Variants in BPHL observed in about 807,000 individuals in gnomAD.
The protein encoded by BPHL is biphenyl hydrolase like, also known as serine hydrolase BPHL.
A neutral mutation model predicts 31.2 loss-of-function variants in BPHL; 27 were observed. The observed-to-expected ratio is 0.87, with a 90% confidence interval of 0.64 to 1.19. The LOEUF (loss-of-function observed/expected upper bound fraction) is 1.19. Ranked by LOEUF, BPHL falls within the 50% of genes most tolerant of loss-of-function variation. BPHL has a pLI of 0.00. For missense variants in BPHL, 356 were observed against 375.7 expected, an observed-to-expected ratio of 0.95 and a Z score of 0.43; for synonymous variants, 150 against 146.8, an observed-to-expected ratio of 1.02 and a Z score of -0.16.
chr6:3,143,444 C>T (rs893207290), intron 6 of BPHL, among the ~76,000 whole-genome samples: 9 of 152,138 alleles, frequency 5.9e-5, no homozygotes, highest in Admixed American at 2.0e-4. Flanking sequence ...ATAAGAATCG[C>T]TTATTTTTAT....
intron 4 of BPHL, among the ~76,000 whole-genome samples, chr6:3,132,850 A>G (rs3823099): frequency 0.011 from 1,729 of 152,234 alleles, 41 homozygotes; most frequent in East Asian, 0.078. Flanking sequence ...CAACAACAAC[A>G]ACCAAAAGAA....
At position 3,118,817 on chromosome 6, in the gene BPHL, T is replaced by C; in HGVS notation, c.77T>C (p.Val26Ala). The part of the protein sequence containing the change: ...LLSALKPGIH[V>A]PRAGPAAAFG... Reference sequence around the variant, plus strand: ...TCAGCGCTGAAGCCCGGGATCCACGTCCCACGGGCCGGACCCGCGGCCGCG... The same window carrying C: ...TCAGCGCTGAAGCCCGGGATCCACGCCCCACGGGCCGGACCCGCGGCCGCG... Residue 26 changes from valine to alanine, a missense_variant, in exon 1 of 7, where the codon GTC becomes GCC. Transcript: ENST00000380379. 8.0e-7 allele frequency: 1 copy of C among 1,243,788 alleles called. No homozygotes were observed. Among genetic ancestry groups the C allele is most frequent in the Non-Finnish European group, 1.0e-6 (1 of 991,240 alleles). 77.0% of individuals were successfully genotyped at this position (1,243,788 alleles called of 1,614,324 possible). A position where few individuals can be genotyped will look rare whatever the true frequency, so the allele number is the denominator to read the frequency against.
chr6:3,128,541 A>T (rs1405234734), intron 3 of BPHL, among the ~76,000 whole-genome samples: 1 of 151,936 alleles, frequency 6.6e-6, no homozygotes, highest in African/African-American at 2.4e-5. Flanking sequence ...TCACCCGCGG[A>T]CTCACACAAC....
upstream of BPHL, chr6:3,118,652 C>T: frequency 3.3e-6 from 3 of 918,100 alleles, no homozygotes; most frequent in Non-Finnish European, 4.3e-6. Flanking sequence ...GTGGGCGGAG[C>T]AGAGGGCGTG....
intron 1 of BPHL, among the ~76,000 whole-genome samples, chr6:3,121,695 C>G (rs1761579802): frequency 6.6e-6 from 1 of 152,156 alleles, no homozygotes; most frequent in African/African-American, 2.4e-5. Flanking sequence ...ATGGCAGAGT[C>G]AGTATTGCCA....
intron 4 of BPHL, among the ~76,000 whole-genome samples, chr6:3,129,738 A>G (rs1230301465): frequency 6.6e-6 from 1 of 150,532 alleles, no homozygotes; most frequent in South Asian, 2.1e-4. Flanking sequence ...GAAACCTTTT[A>G]TTTTGATTAA....
chr6:3,119,070 T>C (rs894860793), intron 1 of BPHL, among the ~76,000 whole-genome samples: 2 of 152,192 alleles, frequency 1.3e-5, no homozygotes, highest in Non-Finnish European at 1.5e-5. Context: ...TCAGCCTCAG[T>C]TCAAGGAGTC....
chr6:3,147,305 C>A (rs927692546), intron 6 of BPHL, among the ~76,000 whole-genome samples: 1 of 152,130 alleles, frequency 6.6e-6, no homozygotes, highest in Non-Finnish European at 1.5e-5. Flanking sequence ...ACAGTAGCTG[C>A]CACTTTTGAG....
At chr6:3,129,219 A>T (rs755132331) in intron 4 of BPHL, 21 bp downstream of exon 4, 1 of 1,531,880 alleles carries the variant, frequency 6.5e-7, no homozygotes, top group Non-Finnish European at 8.8e-7. Flanking sequence ...CGAAGGGGAG[A>T]TGCCGGGACG....
intron 4 of BPHL, among the ~76,000 whole-genome samples, chr6:3,133,542 C>G (rs774922883): frequency 1.3e-5 from 2 of 152,202 alleles, no homozygotes; most frequent in Non-Finnish European, 2.9e-5. Flanking sequence ...CCCCTCCCCC[C>G]ACTTTCCCCT....
In BPHL at chr6:3,129,046, C is replaced by G. The variant is rs2231366; in HGVS notation, c.380C>G (p.Ala127Gly). ...GTGCATTTTGTCGTATGATCATAGG[C>G]GCTGAAGTTTAAGAAGGTTTCTCTG... ...DAKDAVDLMK[A>G]LKFKKVSLLG... The change falls in exon 4 of 7, where the codon GCG becomes GGG. Residue 127 changes from alanine to glycine, a missense_variant and splice_region_variant. By Grantham distance (60) the Ala-to-Gly change is moderately conservative. Coordinates refer to ENST00000380379, the MANE Select transcript of BPHL (RefSeq NM_004332.4). 2 of 1,614,202 alleles carry G rather than the reference C, an allele frequency of 1.2e-6. No individual in the cohort carries two copies. Among genetic ancestry groups the G allele is most frequent in the Non-Finnish European group, 1.7e-6 (2 of 1,180,028 alleles).
rs144560392 is a variant in BPHL at position 3,121,986 on chromosome 6, A to G, written c.108-1671A>G. Among the ~76,000 whole-genome samples the G allele has an allele frequency of 3.8e-3, 582 of 152,266 alleles. 6 individuals are homozygous for G. Among genetic ancestry groups the G allele is most frequent in the African/African-American group, 0.013 (548 of 41,550 alleles). ...TGACTAAGGGCAGAGGTAGGAGTAG[A>G]GAGTATGTAGAAGAAAAAGGAGATG... On this transcript the variant is annotated intron_variant, in intron 1 of 6. Coordinates refer to ENST00000380379, the MANE Select transcript of BPHL (RefSeq NM_004332.4).
intron 4 of BPHL, among the ~76,000 whole-genome samples, chr6:3,131,939 G>A (rs1004835076): frequency 1.3e-5 from 2 of 152,184 alleles, no homozygotes; most frequent in Non-Finnish European, 2.9e-5. Flanking sequence ...CACCTTGCAC[G>A]TGCCTGTGTC....
chr6:3,151,247 C>T (rs1762515674), intron 6 of BPHL, among the ~76,000 whole-genome samples: 1 of 152,268 alleles, frequency 6.6e-6, no homozygotes, highest in African/African-American at 2.4e-5. Context: ...AAACAAAGGC[C>T]TTGAGTGTCC....
At chr6:3,135,316 C>CT (rs1761985038) in intron 4 of BPHL, among the ~76,000 whole-genome samples, 1 of 152,216 alleles carries the variant, frequency 6.6e-6, no homozygotes, top group African/African-American at 2.4e-5. Context: ...AAATCATTGT[C>CT]TCCCCCATTC....
chr6:3,144,439 G>A (rs1269620887), intron 6 of BPHL, among the ~76,000 whole-genome samples: 3 of 146,308 alleles, frequency 2.1e-5, no homozygotes, highest in African/African-American at 5.1e-5. Context: ...AGGCTGGAGT[G>A]CAGTGGTGTG....
intron 2 of BPHL, among the ~76,000 whole-genome samples, chr6:3,125,311 C>T (rs1393050557): frequency 6.6e-6 from 1 of 152,092 alleles, no homozygotes; most frequent in Non-Finnish European, 1.5e-5. Context: ...TCCCAAAATG[C>T]TGGGATTACA....
At chr6:3,123,158 C>G (rs553243957) in intron 1 of BPHL, among the ~76,000 whole-genome samples, 1 of 152,290 alleles carries the variant, frequency 6.6e-6, no homozygotes, top group Non-Finnish European at 1.5e-5. Context: ...CAGTTCAGAT[C>G]GGCAGTCTAG....
chr6:3,120,886 CAG>C (rs1561786990), intron 1 of BPHL, among the ~76,000 whole-genome samples: 1 of 152,216 alleles, frequency 6.6e-6, no homozygotes, highest in Non-Finnish European at 1.5e-5. Context: ...ATCTGGCAGT[CAG>C]AGTGTGGCCC....
Sources: gnomAD v4.1 joint callset for allele counts (sites outside exome capture counted in the v4.1 genomes callset) on GRCh38, gnomAD v4.1.1 for gene constraint, MANE v1.5 for transcripts, NCBI Gene and HGNC (gene_info 2026-07-23, HGNC 2026-07-21) for gene names.